The following SLC38A6 variants were observed in gnomAD, a reference collection of about 807,000 sequenced individuals.
SLC38A6 encodes N system amino acid transporter NAT-1.
In SLC38A6, 73 loss-of-function variants were observed where a neutral mutation model predicts 65.0. The observed-to-expected ratio is 1.12, with a 90% CI of 0.93 to 1.37. SLC38A6 has a LOEUF of 1.37. Among genes scored for constraint, SLC38A6 ranks in the 40% most tolerant of loss-of-function variants. The pLI, the probability that SLC38A6 is intolerant of heterozygous loss-of-function variation, is 0.00. For missense variants in SLC38A6, 561 were observed against 531.1 expected, an observed-to-expected ratio of 1.06 and a Z score of -0.55; for synonymous variants, 183 against 178.8, an observed-to-expected ratio of 1.02 and a Z score of -0.19.
chr14:61,052,011 T>A, intron 14 of SLC38A6, 30 bp from the exon 15 acceptor site: 1 of 1,598,868 alleles, frequency 6.3e-7, no homozygotes, highest in Non-Finnish European at 8.5e-7. Flanking sequence ...TCCAGCAATA[T>A]CCTCTCTTTT....
chr14:61,081,683 CA>C (rs971874222), intron 16 of SLC38A6, among the ~76,000 whole-genome samples: 12 of 151,174 alleles, frequency 7.9e-5, no homozygotes, highest in East Asian at 1.9e-4. Context: ...GACTCTGTCT[CA>C]AAAAAAAATT....
intron 5 of SLC38A6, among the ~76,000 whole-genome samples, chr14:61,026,169 T>C (rs191918710): frequency 2.6e-4 from 40 of 152,272 alleles, no homozygotes; most frequent in Non-Finnish European, 4.7e-4. Flanking sequence ...GTTTGTATGC[T>C]TAATAACGAC....
At chr14:60,986,046 C>T (rs2037424908) in intron 3 of SLC38A6, among the ~76,000 whole-genome samples, 1 of 152,244 alleles carries the variant, frequency 6.6e-6, no homozygotes, top group Non-Finnish European at 1.5e-5. Flanking sequence ...TTTGGCCCTA[C>T]CTCCAACACT....
intron 15 of SLC38A6, among the ~76,000 whole-genome samples, chr14:61,062,381 T>C (rs2042877993): frequency 6.6e-6 from 1 of 152,238 alleles, no homozygotes; most frequent in Admixed American, 6.5e-5. Context: ...TGTAGTGGTA[T>C]CTCGTTGTTT....
At chr14:61,004,419 T>C (rs569227547) in intron 3 of SLC38A6, 1 of 152,248 alleles carries the variant, frequency 6.6e-6, no homozygotes, top group African/African-American at 2.4e-5. Flanking sequence ...CTTCTTGCTC[T>C]AGATTTTTGG....
rs2041935601 is a variant in SLC38A6, at chr14:61,043,473, T to C, written c.714T>C (p.Cys238=). 2 of 1,608,546 alleles carry C rather than the reference T, an allele frequency of 1.2e-6. No homozygotes were observed. The highest frequency in any genetic ancestry group is 1.7e-5 in the Admixed American group (1 of 58,730). Residue 238 remains cysteine (C), a synonymous_variant, in exon 10 of 16, where the codon TGT becomes TGC. Coordinates refer to ENST00000267488, the MANE Select transcript of SLC38A6 (RefSeq NM_153811.3). The part of the protein sequence containing the change: ...GFQISNVTDD[C]KPKLFHFSKE... Reference sequence around the variant, plus strand: ...AGATTTCAAATGTTACAGATGATTGTAAGCCAAAGCTCTTTCATTTCTCCA... The same window carrying C: ...AGATTTCAAATGTTACAGATGATTGCAAGCCAAAGCTCTTTCATTTCTCCA...
intron 15 of SLC38A6, among the ~76,000 whole-genome samples, chr14:61,069,166 A>G (rs1461901116): frequency 5.9e-5 from 9 of 152,152 alleles, no homozygotes; most frequent in African/African-American, 1.9e-4. Flanking sequence ...AGCTTCCCAG[A>G]TGACTCCAAT....
At chr14:60,994,186 G>T (rs1258941978) in intron 3 of SLC38A6, among the ~76,000 whole-genome samples, 6 of 152,210 alleles carry the variant, frequency 3.9e-5, no homozygotes, top group Non-Finnish European at 7.3e-5. Context: ...CAACTAAAAT[G>T]TTCCTCAGAA....
At chr14:60,984,568 A>G (rs1267372249) in intron 2 of SLC38A6, among the ~76,000 whole-genome samples, 162 bp from the exon 3 acceptor site, 1 of 152,238 alleles carries the variant, frequency 6.6e-6, no homozygotes, top group Non-Finnish European at 1.5e-5. Context: ...AATACAAAAA[A>G]GTAGAAAAGT....
chr14:61,024,835 G>T (rs1199437542), intron 5 of SLC38A6, among the ~76,000 whole-genome samples: 1 of 152,116 alleles, frequency 6.6e-6, no homozygotes, highest in African/African-American at 2.4e-5. Context: ...GTTATTTCTG[G>T]TTTCACAACT....
At chr14:61,083,508 G>T in intron 16 of SLC38A6, 1 of 1,524,558 alleles carries the variant, frequency 6.6e-7, no homozygotes. Flanking sequence ...ATTAAAATGA[G>T]GCCATTAAGC....
intron 12 of SLC38A6, among the ~76,000 whole-genome samples, chr14:61,047,204 A>T (rs999684494): frequency 6.6e-6 from 1 of 152,162 alleles, no homozygotes; most frequent in African/African-American, 2.4e-5. Flanking sequence ...GGATAAATAG[A>T]ACTATCTGGA....
At chr14:61,015,305 G>T (rs2039921622) in intron 3 of SLC38A6, among the ~76,000 whole-genome samples, 1 of 152,132 alleles carries the variant, frequency 6.6e-6, no homozygotes, top group Non-Finnish European at 1.5e-5. Flanking sequence ...CTAGGAAAGG[G>T]AATTCCCTGA....
chr14:61,067,762 T>C (rs1370464538), intron 15 of SLC38A6, among the ~76,000 whole-genome samples: 1 of 152,100 alleles, frequency 6.6e-6, no homozygotes, highest in Non-Finnish European at 1.5e-5. Context: ...CATACATACA[T>C]ATGTATCTGT....
chr14:61,010,679 G>C (rs970309815), intron 3 of SLC38A6, among the ~76,000 whole-genome samples: 3 of 152,176 alleles, frequency 2.0e-5, no homozygotes, highest in Non-Finnish European at 4.4e-5. Context: ...GTTTGTCAAA[G>C]TTCAGATAGT....
intron 3 of SLC38A6, among the ~76,000 whole-genome samples, chr14:61,009,868 A>G (rs139197499): frequency 2.6e-5 from 4 of 152,302 alleles, no homozygotes; most frequent in East Asian, 1.9e-4. Context: ...TTATAGAAGC[A>G]TGATTTATGT....
intron 6 of SLC38A6, among the ~76,000 whole-genome samples, chr14:61,033,012 A>G (rs1057264099): frequency 1.3e-5 from 2 of 151,938 alleles, no homozygotes; most frequent in Non-Finnish European, 2.9e-5. Flanking sequence ...AGAAGCTATA[A>G]TACTTATACT....
chr14:61,051,481 ATTCT>A (rs1200442606), intron 13 of SLC38A6, among the ~76,000 whole-genome samples: 2 of 152,096 alleles, frequency 1.3e-5, no homozygotes, highest in African/African-American at 4.8e-5. Context: ...AATGAAAATC[ATTCT>A]TTGAGACTTT....
Position 61,016,044 on chromosome 14 carries a change from A to G in SLC38A6, c.363+88A>G, listed in dbSNP as rs1002942684. ...GTTAAAAGAGACAAGTATATACAAGAGGAAGACATTAGAGGAATAAAAGGA... is the reference window on the plus strand; with the variant it reads ...GTTAAAAGAGACAAGTATATACAAGGGGAAGACATTAGAGGAATAAAAGGA... On this transcript the variant is annotated intron_variant, in intron 4 of 15. Coordinates refer to ENST00000267488, the MANE Select transcript of SLC38A6 (RefSeq NM_153811.3). The G allele has an allele frequency of 1.6e-5, 15 of 941,310 alleles. No individual in the cohort carries two copies. In the Admixed American group the frequency reaches 3.7e-4, roughly 23 times the overall value. The allele number at this position is 941,310 out of a possible 1,614,324, so 58.3% of individuals were successfully genotyped here. A position where few individuals can be genotyped will look rare whatever the true frequency, so the allele number is the denominator to read the frequency against.
Sources: gnomAD v4.1 joint callset for allele counts (sites outside exome capture counted in the v4.1 genomes callset) on GRCh38, gnomAD v4.1.1 for gene constraint, MANE v1.5 for transcripts, NCBI Gene and HGNC (gene_info 2026-07-23, HGNC 2026-07-21) for gene names.